PCDHGA7: variants seen among roughly 807,000 people sequenced by gnomAD.
PCDHGA7 encodes the protein protocadherin gamma subfamily A, 7.
A neutral mutation model predicts 58.3 loss-of-function variants in PCDHGA7; 44 were observed. The observed-to-expected ratio is 0.75, with a 90% CI of 0.59 to 0.97. The LOEUF (loss-of-function observed/expected upper bound fraction) is 0.97, where lower values mean the gene tolerates loss of function less well. Among genes scored for constraint, PCDHGA7 ranks in the 50% least tolerant of loss-of-function variants. The pLI, the probability that PCDHGA7 is intolerant of heterozygous loss-of-function variation, is 0.00. For missense variants in PCDHGA7, 1,266 were observed against 1,188.7 expected (o/e 1.06, Z -0.96); for synonymous variants, 516 against 504.2 (o/e 1.02, Z -0.31).
chr5:141,451,233 T>A (rs1431967203), intron 1 of PCDHGA7, among the ~76,000 whole-genome samples: 1 of 152,216 alleles, frequency 6.6e-6, no homozygotes, highest in African/African-American at 2.4e-5. Flanking sequence ...GCATTTATTA[T>A]CTCATAAATT....
At chr5:141,395,424 T>C in intron 1 of PCDHGA7, 2 of 735,384 alleles carry the variant, frequency 2.7e-6, no homozygotes, top group Middle Eastern at 7.8e-4. Flanking sequence ...TTTCATTTGC[T>C]TTTAAACGAC....
chr5:141,420,974 T>C, intron 1 of PCDHGA7: 1 of 460,696 alleles, frequency 2.2e-6, no homozygotes, highest in Non-Finnish European at 3.8e-6. Flanking sequence ...ATAATAAGAA[T>C]GGGCTCTAGG....
intron 1 of PCDHGA7, chr5:141,389,201 C>T: frequency 1.2e-6 from 2 of 1,614,034 alleles, no homozygotes; most frequent in Non-Finnish European, 1.7e-6. Flanking sequence ...TCACCCTGCA[C>T]ATTGGTGATG....
intron 1 of PCDHGA7, chr5:141,387,860 G>T: frequency 6.3e-7 from 1 of 1,593,236 alleles, no homozygotes; most frequent in Non-Finnish European, 8.5e-7. Flanking sequence ...CCAGGCTGGT[G>T]AGCAAGCTGA....
In PCDHGA7 at chr5:141,489,950, A is replaced by C. The variant is rs1055715796; in HGVS notation, c.2425-4857A>C. 1 of 1,614,192 alleles carries C rather than the reference A, an allele frequency of 6.2e-7. No homozygotes were observed. The highest frequency in any genetic ancestry group is 1.3e-5 in the African/African-American group (1 of 75,060). ...TCTGTCATCGTGCTGGACATCAATG[A>C]TAATGCTCCAACCTTCCAATCCTCA... is the stretch of plus-strand genomic sequence containing the variant. On this transcript the variant is annotated intron_variant, in intron 1 of 3. Coordinates refer to ENST00000518325, the MANE Select transcript of PCDHGA7 (RefSeq NM_018920.4). The surrounding 1 kb of genome is among the most constrained non-coding windows in gnomAD (Gnocchi z 4.5).
At chr5:141,399,642 G>C (rs755191053) in intron 1 of PCDHGA7, 3 of 1,613,750 alleles carry the variant, frequency 1.9e-6, no homozygotes, top group Non-Finnish European at 2.5e-6. Flanking sequence ...CCATGAGCGC[G>C]CAAAGTGGGG....
In PCDHGA7 at chr5:141,431,371, A is replaced by G. The variant is rs2097366432; in HGVS notation, c.2424+46048A>G. The G allele has an allele frequency of 6.2e-7, 1 of 1,613,998 alleles. No individual in the cohort carries two copies. The highest frequency in any genetic ancestry group is 8.5e-7 in the Non-Finnish European group (1 of 1,180,038). ...TGAAACGCGCCCTGGACCGCGAAGA[A>G]AAGGCTGCTCACCACCTGGTCCTTA... On this transcript the variant is annotated intron_variant, in intron 1 of 3. Transcript: ENST00000518325. The surrounding 1 kb of genome is among the most constrained non-coding windows in gnomAD (Gnocchi z 4.8).
intron 1 of PCDHGA7, among the ~76,000 whole-genome samples, chr5:141,438,620 A>G (rs2098023964): frequency 1.0e-4 from 4 of 39,044 alleles, no homozygotes; most frequent in African/African-American, 8.0e-4. Flanking sequence ...ATATATATAT[A>G]TATATATATA....
chr5:141,449,588 CAA>C (rs768743917), intron 1 of PCDHGA7, among the ~76,000 whole-genome samples: 5 of 57,502 alleles, frequency 8.7e-5, no homozygotes, highest in Admixed American at 1.8e-4. Flanking sequence ...GACTCTGTCT[CAA>C]AAAAAAAAAA....
intron 1 of PCDHGA7, among the ~76,000 whole-genome samples, chr5:141,459,461 G>A (rs1217201752): frequency 6.6e-6 from 1 of 152,214 alleles, no homozygotes; most frequent in Non-Finnish European, 1.5e-5. Flanking sequence ...GGACATTTGA[G>A]TTGTGTCCAG....
In PCDHGA7 at chr5:141,420,134, G is replaced by A. The variant is rs769225630; in HGVS notation, c.2424+34811G>A. The A allele has an allele frequency of 1.1e-5, 18 of 1,613,952 alleles. No homozygotes were observed. Among genetic ancestry groups the A allele is most frequent in the Non-Finnish European group, 1.4e-5 (17 of 1,179,876 alleles). Reference sequence around the variant, plus strand: ...TGCCTATAATTTTTGTGTGCCTGGGGATCAAATGAATCCAGAATTTAATTT... The same window carrying A: ...TGCCTATAATTTTTGTGTGCCTGGGAATCAAATGAATCCAGAATTTAATTT... On this transcript the variant is annotated intron_variant, in intron 1 of 3. Coordinates refer to ENST00000518325, the MANE Select transcript of PCDHGA7 (RefSeq NM_018920.4).
chr5:141,477,433 C>T lies in PCDHGA7; in HGVS notation c.2425-17374C>T, dbSNP rs1389102640. On this transcript the variant is annotated intron_variant, in intron 1 of 3. Transcript: ENST00000518325. The surrounding 1 kb of genome is among the most constrained non-coding windows in gnomAD (Gnocchi z 4.9). ...ACGCCGGAACCCCTTCCCTCTCAGCCCTTACAATAGTGCGTGTTCAAGTGT... is the reference window on the plus strand; with the variant it reads ...ACGCCGGAACCCCTTCCCTCTCAGCTCTTACAATAGTGCGTGTTCAAGTGT... 6.2e-7 allele frequency: 1 copy of T among 1,614,048 alleles called. No individual in the cohort carries two copies. The highest frequency in any genetic ancestry group is 2.2e-5 in the East Asian group (1 of 44,892).
intron 1 of PCDHGA7, chr5:141,412,049 T>C (rs2095532088): frequency 1.3e-5 from 2 of 152,256 alleles, no homozygotes; most frequent in Admixed American, 1.3e-4. Flanking sequence ...AGTGAACTTC[T>C]ATACCCTTTG....
intron 2 of PCDHGA7, among the ~76,000 whole-genome samples, chr5:141,500,359 C>T (rs2099799599): frequency 6.6e-6 from 1 of 152,032 alleles, no homozygotes; most frequent in Non-Finnish European, 1.5e-5. Flanking sequence ...CAGGCGCCCA[C>T]TACCACGCCC....
rs1405589878 is a variant in PCDHGA7 at position 141,504,323 on chromosome 5, T to A, written c.2484-1070T>A. On this transcript the variant is annotated intron_variant, in intron 2 of 3. Transcript: ENST00000518325. ...CACTCGGAGTTTCTAAAAGTCTCAC[T>A]TAGGTCCAAGTGCTAGGCTTTGTGC... Among the ~76,000 whole-genome samples, 4 of 152,114 alleles carry A rather than the reference T, an allele frequency of 2.6e-5. No individual in the cohort carries two copies. In the East Asian group the frequency reaches 7.7e-4, roughly 29 times the overall value.
chr5:141,489,428 G>A lies in PCDHGA7; in HGVS notation c.2425-5379G>A, dbSNP rs561792279. The A allele has an allele frequency of 2.5e-5, 40 of 1,614,112 alleles. No homozygotes were observed. In the Middle Eastern group the frequency reaches 4.9e-4, roughly 20 times the overall value. ...AAGATGACAGATCTGTTGAGCCGGC[G>A]GCTGCAATTGGGCTCTGAGGAGAAT... On this transcript the variant is annotated intron_variant, in intron 1 of 3. Transcript: ENST00000518325. This position sits in a 1 kb window ranked among gnomAD's most constrained non-coding sequence, Gnocchi z 4.5.
In PCDHGA7 at chr5:141,489,372, G is replaced by A. The variant is rs1335356378; in HGVS notation, c.2425-5435G>A. 2 of 1,613,814 alleles carry A rather than the reference G, an allele frequency of 1.2e-6. No individual in the cohort carries two copies. Among genetic ancestry groups the A allele is most frequent in the Non-Finnish European group, 1.7e-6 (2 of 1,179,700 alleles). On this transcript the variant is annotated intron_variant, in intron 1 of 3. Transcript: ENST00000518325. The surrounding 1 kb of genome is among the most constrained non-coding windows in gnomAD (Gnocchi z 4.5). ...TGGAGGAGTCTGAGCCGGGGACGCT[G>A]GTGGGGAATGTTGCTCAGGATCTGG...
chr5:141,481,658 T>C (rs910422064), intron 1 of PCDHGA7, among the ~76,000 whole-genome samples: 2 of 150,554 alleles, frequency 1.3e-5, no homozygotes, highest in East Asian at 2.0e-4. Context: ...TCTCTACTAA[T>C]AATACAAAAA....
chr5:141,394,006 TAGGTA>T, intron 1 of PCDHGA7: 3 of 1,613,358 alleles, frequency 1.9e-6, no homozygotes, highest in Admixed American at 3.3e-5. Flanking sequence ...GAAAAGTCAA[TAGGTA>T]ATTATTATAG....
Sources: gnomAD v4.1 joint callset for allele counts (sites outside exome capture counted in the v4.1 genomes callset) on GRCh38, gnomAD v4.1.1 for gene constraint, Gnocchi (gnomAD v3.1) non-coding constraint, MANE v1.5 for transcripts, NCBI Gene and HGNC (gene_info 2026-07-23, HGNC 2026-07-21) for gene names.